The following ROBO1 variants were observed in gnomAD, a reference collection of about 807,000 sequenced individuals.
ROBO1 encodes roundabout homolog 1.
In ROBO1, 149 loss-of-function variants were observed where a neutral mutation model predicts 195.9. The observed-to-expected ratio is 0.76, with a 90% confidence interval of 0.67 to 0.87. ROBO1 has a LOEUF of 0.87. Among genes scored for constraint, ROBO1 ranks in the 40% least tolerant of loss-of-function variants. The pLI is 0.00. For synonymous variants in ROBO1, 816 were observed against 733.2 expected, an observed-to-expected ratio of 1.11 and a Z score of -1.82; for missense variants, 1,933 against 2,068.3, an observed-to-expected ratio of 0.93 and a Z score of 1.27.
chr3:79,334,309 A>ATATAT (rs1423681193), intron 2 of ROBO1, among the ~76,000 whole-genome samples: 4 of 123,024 alleles, frequency 3.3e-5, no homozygotes, highest in African/African-American at 1.2e-4. Context: ...CTAAAAAAAA[A>ATATAT]AAATATATAT....
chr3:78,630,427 T>C (rs906498464), intron 25 of ROBO1, among the ~76,000 whole-genome samples: 10 of 152,232 alleles, frequency 6.6e-5, no homozygotes, highest in African/African-American at 2.2e-4. Flanking sequence ...TTTCTGGGCA[T>C]AGTAATACAC....
At chr3:79,444,660 A>C (rs2039177092) in intron 2 of ROBO1, among the ~76,000 whole-genome samples, 1 of 152,122 alleles carries the variant, frequency 6.6e-6, no homozygotes, top group Non-Finnish European at 1.5e-5. Flanking sequence ...ATACATTAAA[A>C]ATTCAAGAAG....
chr3:78,888,000 C>A (rs1478501698), intron 4 of ROBO1, among the ~76,000 whole-genome samples: 1 of 152,106 alleles, frequency 6.6e-6, no homozygotes, highest in Admixed American at 6.6e-5. Context: ...TGCTCTTAAT[C>A]CTCTTGTCTC....
intron 2 of ROBO1, among the ~76,000 whole-genome samples, chr3:79,146,407 G>C (rs201559935): frequency 7.2e-5 from 11 of 152,032 alleles, no homozygotes; most frequent in East Asian, 5.8e-4. Flanking sequence ...TGTCATTTTT[G>C]TGAACATAAC....
rs116285744 is a variant in ROBO1, at chr3:79,113,017, G to A, written c.172+12439C>T. ...GTCATGTTTTATCACCAAATGGAGA[G>A]CTCATGAGCCCTCACTCAATGCAGA... On this transcript the variant is annotated intron_variant, in intron 3 of 30. Transcript: ENST00000464233. Among the ~76,000 whole-genome samples the A allele has an allele frequency of 5.2e-3, 796 of 152,182 alleles. 8 individuals carry two copies. The highest frequency in any genetic ancestry group is 0.018 in the African/African-American group (754 of 41,528).
chr3:79,145,678 A>G (rs980394021), intron 2 of ROBO1, among the ~76,000 whole-genome samples: 1 of 151,988 alleles, frequency 6.6e-6, no homozygotes, highest in South Asian at 2.1e-4. Flanking sequence ...CTGAAAGACT[A>G]TTGATGGGGG....
intron 8 of ROBO1, among the ~76,000 whole-genome samples, chr3:78,706,653 A>AT (rs2081559836): frequency 6.6e-6 from 1 of 152,070 alleles, no homozygotes; most frequent in South Asian, 2.1e-4. Context: ...TTGTAGGTAC[A>AT]TTAATCTGTT....
At chr3:79,661,298 A>G (rs1164460674) in intron 1 of ROBO1, among the ~76,000 whole-genome samples, 1 of 151,974 alleles carries the variant, frequency 6.6e-6, no homozygotes, top group Non-Finnish European at 1.5e-5. Flanking sequence ...TCTTTCCCTC[A>G]TTTCCCCAGG....
rs189041997 is a variant in ROBO1 at position 78,765,272 on chromosome 3, T to C, written c.500-18372A>G. 2.0e-5 allele frequency among the ~76,000 whole-genome samples: 3 copies of C among 152,180 alleles called. No individual in the cohort carries two copies. In the East Asian group the frequency reaches 5.8e-4, roughly 29 times the overall value. On this transcript the variant is annotated intron_variant, in intron 4 of 30. Transcript: ENST00000464233. The stretch of plus-strand genomic sequence containing the variant: ...AACTGGGTCCACCCTAAAGTTTTGA[T>C]TATATTTACAAGACAGAACATCCTA...
chr3:79,674,354 T>G (rs980192495), intron 1 of ROBO1, among the ~76,000 whole-genome samples: 2 of 151,988 alleles, frequency 1.3e-5, no homozygotes, highest in African/African-American at 4.8e-5. Context: ...TAATTAATAT[T>G]TTAAAGCATA....
intron 23 of ROBO1, 38 bp from the exon 24 acceptor site, chr3:78,634,080 T>G: frequency 7.3e-7 from 1 of 1,378,240 alleles, no homozygotes; most frequent in Non-Finnish European, 1.0e-6. Flanking sequence ...AACATTTATT[T>G]TCTCTTCATG....
intron 8 of ROBO1, among the ~76,000 whole-genome samples, chr3:78,694,332 A>T (rs1401763206): frequency 6.6e-6 from 1 of 152,192 alleles, no homozygotes; most frequent in Non-Finnish European, 1.5e-5. Context: ...CTTTCAGCAA[A>T]TCAAAATTAA....
intron 1 of ROBO1, among the ~76,000 whole-genome samples, chr3:79,607,789 G>A (rs1426901645): frequency 6.6e-6 from 1 of 151,922 alleles, no homozygotes; most frequent in African/African-American, 2.4e-5. Context: ...CTCTCATGCT[G>A]TCTGTTCAAA....
At chr3:79,068,567 A>G (rs2079038872) in intron 3 of ROBO1, among the ~76,000 whole-genome samples, 1 of 151,794 alleles carries the variant, frequency 6.6e-6, no homozygotes. Flanking sequence ...ATTTCAATCT[A>G]TTTGGTGACC....
intron 2 of ROBO1, among the ~76,000 whole-genome samples, chr3:79,283,525 A>G (rs2031665051): frequency 6.6e-6 from 1 of 152,192 alleles, no homozygotes; most frequent in African/African-American, 2.4e-5. Flanking sequence ...TGATCTAATT[A>G]CCATTGGAAT....
chr3:79,487,437 C>CG (rs1939221193), intron 2 of ROBO1, among the ~76,000 whole-genome samples: 1 of 152,030 alleles, frequency 6.6e-6, no homozygotes, highest in Non-Finnish European at 1.5e-5. Context: ...GGCTGGTCTT[C>CG]AACTCCTGAC....
rs564156190 is a variant in ROBO1, at chr3:79,284,765, T to C, written c.89-159226A>G. 3.3e-5 allele frequency among the ~76,000 whole-genome samples: 5 copies of C among 152,296 alleles called. No individual in the cohort carries two copies. The South Asian group carries it at 1.0e-3, about 32-fold the overall frequency. On this transcript the variant is annotated intron_variant, in intron 2 of 30. Coordinates refer to ENST00000464233, the MANE Select transcript of ROBO1 (RefSeq NM_002941.4). ...CACTTAGAAGATTTTCTATACTTGA[T>C]TGAAGTGAGATTGCATCTAAAACAA...
intron 4 of ROBO1, among the ~76,000 whole-genome samples, chr3:78,932,035 T>C (rs1427617662): frequency 6.6e-6 from 1 of 152,176 alleles, no homozygotes; most frequent in Non-Finnish European, 1.5e-5. Flanking sequence ...CTCTACGGTA[T>C]TAATTAAAAT....
intron 3 of ROBO1, among the ~76,000 whole-genome samples, chr3:79,034,361 T>C (rs1360044728): frequency 3.9e-5 from 6 of 152,134 alleles, no homozygotes; most frequent in African/African-American, 4.8e-5. Flanking sequence ...TTACACAGGA[T>C]GGCCTGTTAG....
Sources: allele counts gnomAD v4.1 joint callset (sites outside exome capture counted in the v4.1 genomes callset), GRCh38; gene constraint gnomAD v4.1.1; transcripts MANE v1.5; gene names NCBI Gene and HGNC (gene_info 2026-07-23, HGNC 2026-07-21).